Variants in PTPRN2 observed in about 807,000 individuals in gnomAD.
PTPRN2 encodes the protein receptor-type tyrosine-protein phosphatase N2.
PTPRN2 carries 74 observed loss-of-function variants against 118.8 expected under a neutral mutation model. That is an observed-to-expected ratio of 0.62 (90% CI 0.52 to 0.76). The LOEUF is 0.76. Among genes scored for constraint, PTPRN2 ranks in the 30% least tolerant of loss-of-function variants. The pLI, the probability that PTPRN2 is intolerant of heterozygous loss-of-function variation, is 0.00. For synonymous variants in PTPRN2, 641 were observed against 608.0 expected (o/e 1.05, Z -0.80); for missense variants, 1,481 against 1,394.4 (o/e 1.06, Z -0.99).
chr7:157,556,648 C>G (rs1312848725), intron 21 of PTPRN2, among the ~76,000 whole-genome samples: 2 of 150,730 alleles, frequency 1.3e-5, no homozygotes, highest in African/African-American at 2.4e-5. Context: ...CACACACATT[C>G]ACACAAACAT....
At chr7:157,666,863 C>T (rs987345962) in intron 13 of PTPRN2, among the ~76,000 whole-genome samples, 8 of 144,956 alleles carry the variant, frequency 5.5e-5, no homozygotes, top group South Asian at 4.5e-4. Flanking sequence ...TTGGCCCATG[C>T]GGCACTGATC....
At chr7:158,334,140 A>T (rs867419553) in intron 2 of PTPRN2, among the ~76,000 whole-genome samples, 1 of 23,548 alleles carries the variant, frequency 4.2e-5, no homozygotes, top group African/African-American at 1.7e-4. Flanking sequence ...TCACCATAAG[A>T]GGTGACACAT....
At chr7:157,662,678 C>T (rs10266787) in intron 13 of PTPRN2, among the ~76,000 whole-genome samples, 56,796 of 151,922 alleles carry the variant, frequency 0.37, 11,788 homozygotes, top group Non-Finnish European at 0.49. Context: ...TTCCACGGGG[C>T]GAGGAAGGAG....
chr7:158,422,115 C>T (rs1482842272), intron 2 of PTPRN2, among the ~76,000 whole-genome samples: 2 of 152,208 alleles, frequency 1.3e-5, no homozygotes, highest in African/African-American at 4.8e-5. Context: ...CACTAAAACG[C>T]AATTTTGCTA....
chr7:158,126,163 A>G (rs58005475), intron 9 of PTPRN2, among the ~76,000 whole-genome samples: 1,047 of 48,800 alleles, frequency 0.021, 120 homozygotes, highest in South Asian at 0.063. Context: ...GGGCGGCGGA[A>G]CTTCCTCTCC....
chr7:158,286,408 T>A (rs977033657), intron 3 of PTPRN2, among the ~76,000 whole-genome samples: 2 of 152,194 alleles, frequency 1.3e-5, no homozygotes, highest in Non-Finnish European at 2.9e-5. Context: ...GTGGCGAGAG[T>A]TAGCATCCTT....
At chr7:157,798,289 G>C (rs1048957697) in intron 12 of PTPRN2, among the ~76,000 whole-genome samples, 1 of 152,112 alleles carries the variant, frequency 6.6e-6, no homozygotes, top group Non-Finnish European at 1.5e-5. Flanking sequence ...AAATAGAAAA[G>C]AATTATTTCT....
rs1055887653 is a variant in PTPRN2 at position 157,609,425 on chromosome 7, A to C, written c.2345-5350T>G. 1.1e-4 allele frequency among the ~76,000 whole-genome samples: 17 copies of C among 152,142 alleles called. No homozygotes were observed. The highest frequency in any genetic ancestry group is 4.1e-4 in the African/African-American group (17 of 41,424). ...AAATATAAAAAAAAAGAGTATTTCA[A>C]ATTTCTCAGATGTTCCATATTTTCA... On this transcript the variant is annotated intron_variant, in intron 15 of 22. Transcript: ENST00000389418. This position sits in a 1 kb window ranked among gnomAD's most constrained non-coding sequence, Gnocchi z 4.9.
intron 12 of PTPRN2, among the ~76,000 whole-genome samples, chr7:157,755,509 A>G (rs1006202605): frequency 2.6e-5 from 4 of 152,206 alleles, no homozygotes; most frequent in African/African-American, 4.8e-5. Flanking sequence ...TTATAAGAAA[A>G]TGTGGTCCAT....
intron 21 of PTPRN2, among the ~76,000 whole-genome samples, chr7:157,558,810 C>T (rs1043448058): frequency 2.0e-5 from 3 of 152,222 alleles, no homozygotes; most frequent in Non-Finnish European, 2.9e-5. Flanking sequence ...GCAGCTGCCT[C>T]GGTCCCTCTG....
At chr7:157,799,657 T>C (rs986292291) in intron 12 of PTPRN2, among the ~76,000 whole-genome samples, 1 of 152,096 alleles carries the variant, frequency 6.6e-6, no homozygotes, top group African/African-American at 2.4e-5. Flanking sequence ...TAAGTCACAA[T>C]TTAAGTCACA....
At chr7:157,767,156 T>G (rs1272293796) in intron 12 of PTPRN2, among the ~76,000 whole-genome samples, 1 of 150,622 alleles carries the variant, frequency 6.6e-6, no homozygotes, top group Non-Finnish European at 1.5e-5. Flanking sequence ...GGCAAGGTAC[T>G]GAGCTTCCCT....
chr7:158,153,719 C>T (rs1376002778), intron 6 of PTPRN2, among the ~76,000 whole-genome samples: 1 of 152,088 alleles, frequency 6.6e-6, no homozygotes, highest in Non-Finnish European at 1.5e-5. Context: ...GATGAGAAGC[C>T]CGTGGTGTGC....
At chr7:158,130,652 C>G (rs1182400471) in intron 9 of PTPRN2, among the ~76,000 whole-genome samples, 1 of 151,252 alleles carries the variant, frequency 6.6e-6, no homozygotes, top group East Asian at 1.9e-4. Context: ...CAATACACAT[C>G]TACCTGACTC....
In PTPRN2 at chr7:157,838,941, A is replaced by G. The variant is rs888713567; in HGVS notation, c.1788+59732T>C. ...ATGGCACGGGAGAAAGCTCCTCTCC[A>G]CTGTGGCTACTCCAGTTCCTCTCGT... On this transcript the variant is annotated intron_variant, in intron 12 of 22. Transcript: ENST00000389418. 4.6e-3 allele frequency among the ~76,000 whole-genome samples: 573 copies of G among 125,068 alleles called. 21 individuals carry two copies. The highest frequency in any genetic ancestry group is 0.016 in the African/African-American group (420 of 27,040). 82.0% of individuals were successfully genotyped at this position (125,068 alleles called of 152,430 possible). A position where few individuals can be genotyped will look rare whatever the true frequency, so the allele number is the denominator to read the frequency against.
intron 12 of PTPRN2, among the ~76,000 whole-genome samples, chr7:157,789,794 G>GGT (rs201869210): frequency 0.014 from 2,169 of 150,144 alleles, 23 homozygotes; most frequent in Non-Finnish European, 0.023. Context: ...GTATGTGTGT[G>GGT]GTGTGTGTGT....
chr7:158,403,672 G>A lies in PTPRN2; in HGVS notation c.163+86063C>T, dbSNP rs73729797. Among the ~76,000 whole-genome samples, 811 of 152,274 alleles carry A rather than the reference G, an allele frequency of 5.3e-3. 11 individuals carry two copies. Among genetic ancestry groups the A allele is most frequent in the African/African-American group, 0.018 (730 of 41,548 alleles). On this transcript the variant is annotated intron_variant, in intron 2 of 22. Transcript: ENST00000389418. The stretch of plus-strand genomic sequence containing the variant: ...GCAGCAGGCAGGCAGTGCGGCAGCC[G>A]GGACTGCGAGTGCCTGGGGTCTGAG...
chr7:158,568,457 AG>A (rs1563442674), intron 1 of PTPRN2, among the ~76,000 whole-genome samples: 1 of 151,636 alleles, frequency 6.6e-6, no homozygotes. Flanking sequence ...GGTTTGGAGA[AG>A]AAAAAAAAAA....
At chr7:158,262,979 A>AG in intron 3 of PTPRN2, among the ~76,000 whole-genome samples, 1 of 115,148 alleles carries the variant, frequency 8.7e-6, no homozygotes, top group East Asian at 2.6e-4. Context: ...CACTGCACAC[A>AG]TACAGATTCA....
Sources: allele counts gnomAD v4.1 joint callset (sites outside exome capture counted in the v4.1 genomes callset), GRCh38; gene constraint gnomAD v4.1.1; non-coding constraint Gnocchi (gnomAD v3.1); transcripts MANE v1.5; gene names NCBI Gene and HGNC (gene_info 2026-07-23, HGNC 2026-07-21).